The following MEI4 variants were observed in gnomAD, a reference collection of about 807,000 sequenced individuals.
The protein encoded by MEI4 is meiotic double-stranded break formation protein 4.
In MEI4, 27 loss-of-function variants were observed where a neutral mutation model predicts 31.4. That is an observed-to-expected ratio of 0.86 (90% CI 0.63 to 1.19). The LOEUF (loss-of-function observed/expected upper bound fraction) is 1.19, where lower values mean the gene tolerates loss of function less well. Among genes scored for constraint, MEI4 ranks in the 50% most tolerant of loss-of-function variants. The pLI is 0.00. For missense variants in MEI4, 329 were observed against 398.9 expected (o/e 0.82, Z 1.49); for synonymous variants, 122 against 145.4 (o/e 0.84, Z 1.16).
intron 4 of MEI4, among the ~76,000 whole-genome samples, chr6:77,845,173 T>G (rs537536794): frequency 2.0e-5 from 3 of 152,256 alleles, no homozygotes; most frequent in African/African-American, 7.2e-5. Flanking sequence ...TTCTACCTTG[T>G]GTTGAGGCGG....
intron 3 of MEI4, among the ~76,000 whole-genome samples, chr6:77,828,120 G>C (rs193242571): frequency 1.8e-4 from 27 of 152,086 alleles, no homozygotes; most frequent in African/African-American, 6.3e-4. Context: ...ACTACAGTAA[G>C]CATTTTCACA....
At chr6:77,716,474 C>A (rs1242400953) in intron 2 of MEI4, among the ~76,000 whole-genome samples, 1 of 151,976 alleles carries the variant, frequency 6.6e-6, no homozygotes, top group Non-Finnish European at 1.5e-5. Flanking sequence ...ATGAGTGACA[C>A]AATAAGATTT....
chr6:77,772,027 A>G (rs1393662996), intron 3 of MEI4, among the ~76,000 whole-genome samples: 3 of 152,050 alleles, frequency 2.0e-5, no homozygotes, highest in Non-Finnish European at 2.9e-5. Context: ...TGACTATCAT[A>G]AAATAACATT....
intron 4 of MEI4, among the ~76,000 whole-genome samples, chr6:77,922,771 ATGACTCC>A (rs1766734978): frequency 6.6e-6 from 1 of 151,754 alleles, no homozygotes; most frequent in African/African-American, 2.4e-5. Flanking sequence ...TAACACTGGT[ATGACTCC>A]TTGCCAAGTC....
intron 3 of MEI4, among the ~76,000 whole-genome samples, chr6:77,782,829 ATAAT>A (rs908182185): frequency 7.9e-5 from 12 of 152,282 alleles, no homozygotes; most frequent in Admixed American, 4.6e-4. Context: ...TATATGCAAA[ATAAT>A]TTATTATTTT....
chr6:77,700,807 T>C (rs1766202477), intron 2 of MEI4, among the ~76,000 whole-genome samples: 2 of 152,232 alleles, frequency 1.3e-5, no homozygotes, highest in Non-Finnish European at 2.9e-5. Context: ...TTCTACAGCT[T>C]CTTAATGAAT....
At chr6:77,833,141 C>CT (rs202113661) in intron 4 of MEI4, among the ~76,000 whole-genome samples, 14 of 147,418 alleles carry the variant, frequency 9.5e-5, no homozygotes, top group African/African-American at 2.5e-4. Context: ...ATGTATCTGC[C>CT]TTTTTTTTTT....
At position 77,829,012 on chromosome 6, in the gene MEI4, C is replaced by T; in HGVS notation, c.850C>T (p.Leu284Phe). The change falls in exon 4 of 5, where the codon CTT becomes TTT. Residue 284 changes from leucine to phenylalanine, a missense_variant. By Grantham distance (22) the Leu-to-Phe change is conservative. Transcript: ENST00000684080. The part of the protein sequence containing the change: ...SLLRKSIISL[L>F]LSEVNGFADD... ...GTTGAGAAAATCTATTATATCTCTGCTTCTATCAGAAGTAAATGGCTTTGC... is the reference window on the plus strand; with the variant it reads ...GTTGAGAAAATCTATTATATCTCTGTTTCTATCAGAAGTAAATGGCTTTGC... The T allele has an allele frequency of 8.1e-7, 1 of 1,232,020 alleles. No individual in the cohort carries two copies. Among genetic ancestry groups the T allele is most frequent in the Non-Finnish European group, 1.0e-6 (1 of 987,828 alleles). 76.3% of individuals were successfully genotyped at this position (1,232,020 alleles called of 1,614,324 possible).
chr6:77,794,565 A>G (rs1769029449), intron 3 of MEI4, among the ~76,000 whole-genome samples: 1 of 151,672 alleles, frequency 6.6e-6, no homozygotes, highest in Non-Finnish European at 1.5e-5. Flanking sequence ...CTGTCTCAAA[A>G]CAAAACAAAA....
At chr6:77,849,929 A>C (rs1351923995) in intron 4 of MEI4, among the ~76,000 whole-genome samples, 8 of 152,206 alleles carry the variant, frequency 5.3e-5, no homozygotes, top group Non-Finnish European at 1.0e-4. Context: ...ATACTGAAGA[A>C]CACATCTAAT....
chr6:77,777,981 G>A (rs1464215149), intron 3 of MEI4, among the ~76,000 whole-genome samples: 1 of 151,882 alleles, frequency 6.6e-6, no homozygotes, highest in African/African-American at 2.4e-5. Flanking sequence ...AATAAAACAA[G>A]GTAATTACTA....
intron 3 of MEI4, among the ~76,000 whole-genome samples, chr6:77,801,342 C>G (rs1769250843): frequency 6.6e-6 from 1 of 152,028 alleles, no homozygotes; most frequent in African/African-American, 2.4e-5. Flanking sequence ...GGTGATATCC[C>G]CTTTATCATT....
chr6:77,695,392 A>G (rs903341224), intron 2 of MEI4, among the ~76,000 whole-genome samples: 1 of 151,954 alleles, frequency 6.6e-6, no homozygotes. Context: ...TTTTTATGGT[A>G]TTAGGTCTAA....
intron 4 of MEI4, among the ~76,000 whole-genome samples, chr6:77,883,529 A>G (rs911879483): frequency 1.3e-5 from 2 of 151,576 alleles, no homozygotes; most frequent in Admixed American, 6.6e-5. Context: ...GCTCGCACAT[A>G]TAAGTGACAA....
chr6:77,713,060 A>G (rs946137640), intron 2 of MEI4, among the ~76,000 whole-genome samples: 3 of 151,920 alleles, frequency 2.0e-5, no homozygotes, highest in Non-Finnish European at 2.9e-5. Context: ...TGGAAAGAGC[A>G]CTCTTTCCAA....
intron 3 of MEI4, among the ~76,000 whole-genome samples, chr6:77,824,011 A>C (rs867013904): frequency 3.9e-5 from 6 of 152,208 alleles, no homozygotes; most frequent in Non-Finnish European, 4.4e-5. Flanking sequence ...TGGATCCCCT[A>C]TGGACTATCA....
intron 4 of MEI4, among the ~76,000 whole-genome samples, chr6:77,905,924 A>G (rs1303470975): frequency 6.6e-6 from 1 of 150,992 alleles, no homozygotes; most frequent in African/African-American, 2.4e-5. Flanking sequence ...TCTTCTTCGC[A>G]TATTTTCAAA....
intron 3 of MEI4, among the ~76,000 whole-genome samples, chr6:77,788,395 C>T (rs1482164170): frequency 6.6e-6 from 1 of 152,170 alleles, no homozygotes; most frequent in Non-Finnish European, 1.5e-5. Flanking sequence ...GTTGGAAGTT[C>T]TGGCCAGGAC....
chr6:77,802,068 G>A lies in MEI4; in HGVS notation c.769-26863G>A, dbSNP rs1341768487. On this transcript the variant is annotated intron_variant, in intron 3 of 4. Coordinates refer to ENST00000684080, the MANE Select transcript of MEI4 (RefSeq NM_001322247.2). ...TTGATCTGTCTAATGTTGACAGTGG[G>A]TTGTTAAAGTCTCCCATTATTATTG... 2.6e-5 allele frequency among the ~76,000 whole-genome samples: 4 copies of A among 152,202 alleles called. No individual in the cohort carries two copies. In the East Asian group the frequency reaches 7.7e-4, roughly 29 times the overall value.
Sources: gnomAD v4.1 joint callset for allele counts (sites outside exome capture counted in the v4.1 genomes callset) on GRCh38, gnomAD v4.1.1 for gene constraint, MANE v1.5 for transcripts, NCBI Gene and HGNC (gene_info 2026-07-23, HGNC 2026-07-21) for gene names.